Variants in LARGE1 observed in about 807,000 individuals in gnomAD.
LARGE1 encodes the protein xylosyl- and glucuronyltransferase LARGE1.
In LARGE1, 43 loss-of-function variants were observed where a neutral mutation model predicts 87.6. The observed-to-expected ratio is 0.49, with a 90% CI of 0.38 to 0.63. LARGE1 has a LOEUF of 0.63. Ranked by LOEUF, LARGE1 falls within the 30% of genes least tolerant of loss-of-function variation. The probability of loss-of-function intolerance (pLI) is 0.00; values close to 1 mark genes in which losing one functional copy is unlikely to be tolerated. For missense variants in LARGE1, 802 were observed against 1,000.2 expected (o/e 0.80, Z 2.67); for synonymous variants, 434 against 394.6 (o/e 1.10, Z -1.18).
In LARGE1 at chr22:33,797,943, T is replaced by C. The variant is rs561857443; in HGVS notation, c.-82-36385A>G. 2.0e-5 allele frequency among the ~76,000 whole-genome samples: 3 copies of C among 152,308 alleles called. No homozygotes were observed. In the East Asian group the frequency reaches 5.8e-4, roughly 29 times the overall value. On this transcript the variant is annotated intron_variant, in intron 1 of 14. Transcript: ENST00000397394. Reference sequence around the variant, plus strand: ...GCACAGAGGTGTTGCATGAATTACGTAAAGCAATAAATGCTATCGTACCTA... The same window carrying C: ...GCACAGAGGTGTTGCATGAATTACGCAAAGCAATAAATGCTATCGTACCTA...
At chr22:33,278,960 C>T (rs763041879) in intron 13 of LARGE1, among the ~76,000 whole-genome samples, 45 of 152,128 alleles carry the variant, frequency 3.0e-4, no homozygotes, top group Non-Finnish European at 4.4e-4. Flanking sequence ...CCTCATGATC[C>T]GCCCGTCTTG....
chr22:33,072,469 A>G, the LARGE1 span, among the ~76,000 whole-genome samples: 5 of 152,158 alleles, frequency 3.3e-5, no homozygotes, highest in Admixed American at 6.5e-5. Flanking sequence ...ATCAGGAGAC[A>G]ATAGATAGTT....
chr22:33,890,457 ATC>A (rs889047534), intron 1 of LARGE1, among the ~76,000 whole-genome samples: 11 of 152,142 alleles, frequency 7.2e-5, no homozygotes, highest in Non-Finnish European at 1.6e-4. Context: ...GGCATATTTT[ATC>A]TCTGTTTCAC....
intron 1 of LARGE1, among the ~76,000 whole-genome samples, chr22:33,883,165 G>A (rs561986274): frequency 2.0e-5 from 3 of 152,266 alleles, no homozygotes; most frequent in Non-Finnish European, 4.4e-5. Flanking sequence ...AGTGAGATAT[G>A]ATGCAAAGGG....
chr22:33,126,759 A>G, the LARGE1 span, among the ~76,000 whole-genome samples: 1 of 152,256 alleles, frequency 6.6e-6, no homozygotes, highest in East Asian at 1.9e-4. Flanking sequence ...AAATTGATGC[A>G]CACTTCATGG....
intron 6 of LARGE1, among the ~76,000 whole-genome samples, chr22:33,481,222 C>T (rs2069309944): frequency 1.4e-5 from 2 of 142,758 alleles, no homozygotes; most frequent in South Asian, 2.3e-4. Flanking sequence ...ACTATAGATA[C>T]ACACACACAC....
intron 2 of LARGE1, among the ~76,000 whole-genome samples, chr22:33,652,203 C>CAA (rs762342951): frequency 1.3e-5 from 2 of 151,796 alleles, no homozygotes; most frequent in Non-Finnish European, 2.9e-5. Flanking sequence ...AAAAACAACA[C>CAA]AAAAAACTGA....
At chr22:33,422,338 C>A (rs1286207134) in intron 7 of LARGE1, among the ~76,000 whole-genome samples, 1 of 152,156 alleles carries the variant, frequency 6.6e-6, no homozygotes, top group Non-Finnish European at 1.5e-5. Context: ...AAAGTCATTT[C>A]ATTGGCTCAC....
intron 7 of LARGE1, among the ~76,000 whole-genome samples, chr22:33,425,968 G>A (rs1489436271): frequency 6.6e-6 from 1 of 152,064 alleles, no homozygotes; most frequent in South Asian, 2.1e-4. Flanking sequence ...GGATGGTCTC[G>A]ATTTCCTGAC....
chr22:33,170,836 C>T (rs950926973), intron 11 of LARGE1, among the ~76,000 whole-genome samples: 23 of 152,112 alleles, frequency 1.5e-4, no homozygotes, highest in African/African-American at 5.1e-4. Flanking sequence ...ATAAAGGTAA[C>T]CTGAAAATGT....
intron 1 of LARGE1, among the ~76,000 whole-genome samples, chr22:33,845,282 T>C (rs4820119): frequency 0.47 from 70,880 of 151,940 alleles, 17,347 homozygotes; most frequent in African/African-American, 0.62. Context: ...CAGGATGGGA[T>C]GTATAATGGA....
At chr22:33,619,308 A>G (rs924919407) in intron 4 of LARGE1, among the ~76,000 whole-genome samples, 4 of 152,126 alleles carry the variant, frequency 2.6e-5, no homozygotes, top group Non-Finnish European at 5.9e-5. Flanking sequence ...TCATCCCAGC[A>G]CTCTGGGAGG....
At chr22:33,389,085 T>C (rs773751648) in intron 7 of LARGE1, among the ~76,000 whole-genome samples, 32 of 152,098 alleles carry the variant, frequency 2.1e-4, no homozygotes, top group Non-Finnish European at 3.2e-4. Flanking sequence ...GGTCAGGCAG[T>C]TGGGGAAGCT....
chr22:33,586,282 A>G (rs980013383), intron 5 of LARGE1, among the ~76,000 whole-genome samples: 9 of 152,124 alleles, frequency 5.9e-5, no homozygotes, highest in Admixed American at 2.6e-4. Context: ...AAGCCTCTAT[A>G]AGTTTGTGGG....
At chr22:33,426,808 T>G (rs1017679463) in intron 7 of LARGE1, among the ~76,000 whole-genome samples, 1 of 152,230 alleles carries the variant, frequency 6.6e-6, no homozygotes, top group African/African-American at 2.4e-5. Flanking sequence ...ATTTGGGGGC[T>G]GAATGAAACA....
In LARGE1 at chr22:33,629,751, T is replaced by C. The variant is rs961315308; in HGVS notation, c.409-3425A>G. On this transcript the variant is annotated intron_variant, in intron 3 of 14. Coordinates refer to ENST00000397394, the MANE Select transcript of LARGE1 (RefSeq NM_133642.5). ...TTTTTAAGTTTCTTGGTGTGGTAGA[T>C]TAAAAATGGTCACAACTATTCAACA... Among the ~76,000 whole-genome samples the C allele has an allele frequency of 4.6e-5, 7 of 152,312 alleles. No homozygotes were observed. In the South Asian group the frequency reaches 1.0e-3, roughly 23 times the overall value.
chr22:33,354,936 G>A (rs993758448), intron 9 of LARGE1, among the ~76,000 whole-genome samples: 1 of 152,122 alleles, frequency 6.6e-6, no homozygotes, highest in South Asian at 2.1e-4. Flanking sequence ...GAATACTTAT[G>A]TTTTTCATAA....
chr22:33,638,981 C>A (rs2149128338), intron 3 of LARGE1, among the ~76,000 whole-genome samples: 1 of 152,190 alleles, frequency 6.6e-6, no homozygotes, highest in East Asian at 1.9e-4. Context: ...CCTAGACGTT[C>A]CTCTCATTGA....
intron 1 of LARGE1, among the ~76,000 whole-genome samples, chr22:33,810,471 C>A (rs2086457389): frequency 1.3e-5 from 2 of 152,188 alleles, no homozygotes; most frequent in South Asian, 4.1e-4. Context: ...ATCAGCTCTT[C>A]AGCTCTGAGC....
Sources: allele counts gnomAD v4.1 joint callset (sites outside exome capture counted in the v4.1 genomes callset), GRCh38; gene constraint gnomAD v4.1.1; transcripts MANE v1.5; gene names NCBI Gene and HGNC (gene_info 2026-07-23, HGNC 2026-07-21).